The following IL33 variants were observed in gnomAD, a reference collection of about 807,000 sequenced individuals.
IL33 encodes interleukin-33.
In IL33, 37 loss-of-function variants were observed where a neutral mutation model predicts 27.3. That is an observed-to-expected ratio of 1.36 (90% confidence interval 1.04 to 1.78). The LOEUF is 1.78. Among genes scored for constraint, IL33 ranks in the 40% most tolerant of loss-of-function variants. IL33 has a pLI of 0.00. For missense variants in IL33, 406 were observed against 311.4 expected (o/e 1.30, Z -2.29); for synonymous variants, 132 against 102.9 (o/e 1.28, Z -1.71).
rs1816341331 is a variant in IL33 at position 6,251,279 on chromosome 9, C to T, written c.343+14C>T. The T allele has an allele frequency of 2.5e-6, 4 of 1,612,072 alleles. No homozygotes were observed. In the African/African-American group the frequency reaches 4.0e-5, roughly 16 times the overall value. ...CAAGTATCACAGGTATGACTGGTTA[C>T]AGGGGTGATGTGGGAGTGAGGAGGG... On this transcript the variant is annotated intron_variant, in intron 4 of 7. Coordinates refer to ENST00000682010, the MANE Select transcript of IL33 (RefSeq NM_033439.4).
Position 6,250,579 on chromosome 9 carries a change from A to G in IL33, c.197A>G (p.Lys66Arg), listed in dbSNP as rs1340940380. ...EACYFRRETT[K>R]RPSLKTGRKH... is the part of the protein sequence containing the mutation. Reference sequence around the variant, plus strand: ...TGTTACTTTAGGAGAGAAACCACCAAAAGGCCTTCACTGAAAACAGGTAAG... The same window carrying G: ...TGTTACTTTAGGAGAGAAACCACCAGAAGGCCTTCACTGAAAACAGGTAAG... The change falls in exon 3 of 8, where the codon AAA (lysine) becomes AGA (arginine). Residue 66 changes from lysine (K) to arginine (R), a missense_variant. Lys to Arg is a conservative substitution (Grantham distance 26). Transcript: ENST00000682010. 6.2e-7 allele frequency: 1 copy of G among 1,613,846 alleles called. No homozygotes were observed. Among genetic ancestry groups the G allele is most frequent in the South Asian group, 1.1e-5 (1 of 91,036 alleles).
intron 1 of IL33, among the ~76,000 whole-genome samples, chr9:6,241,165 T>C (rs368296836): frequency 3.7e-4 from 57 of 152,300 alleles, no homozygotes; most frequent in African/African-American, 1.3e-3. Flanking sequence ...CAGAACTGCC[T>C]GAGGCTGCTT....
At chr9:6,218,175 A>G (rs1156821861) in intron 1 of IL33, among the ~76,000 whole-genome samples, 2 of 152,158 alleles carry the variant, frequency 1.3e-5, no homozygotes, top group Non-Finnish European at 2.9e-5. Context: ...CTCATATTTC[A>G]CATTTTCTCC....
At chr9:6,244,710 G>A (rs1819725413) in intron 2 of IL33, among the ~76,000 whole-genome samples, 4 of 152,000 alleles carry the variant, frequency 2.6e-5, no homozygotes, top group African/African-American at 9.7e-5. Flanking sequence ...GATATCTCTG[G>A]GGTATGTGAC....
intron 1 of IL33, among the ~76,000 whole-genome samples, chr9:6,223,183 G>C (rs2130111764): frequency 6.6e-6 from 1 of 151,928 alleles, no homozygotes; most frequent in South Asian, 2.1e-4. Flanking sequence ...CAAAGTCTTG[G>C]CAATTCATTT....
chr9:6,247,741 C>T (rs1284432658), intron 2 of IL33, among the ~76,000 whole-genome samples: 1 of 152,082 alleles, frequency 6.6e-6, no homozygotes, highest in Non-Finnish European at 1.5e-5. Context: ...TTGCACTTTC[C>T]TCTCCAGAAC....
intron 1 of IL33, among the ~76,000 whole-genome samples, chr9:6,227,595 C>CT (rs779191795): frequency 6.6e-6 from 1 of 151,996 alleles, no homozygotes; most frequent in South Asian, 2.1e-4. Flanking sequence ...ATGCAATATT[C>CT]TTTTTTCAGA....
chr9:6,222,592 C>G (rs995216023), intron 1 of IL33, among the ~76,000 whole-genome samples: 3 of 152,150 alleles, frequency 2.0e-5, no homozygotes, highest in Non-Finnish European at 2.9e-5. Flanking sequence ...GAAAAAAAGC[C>G]TGCAAAAGTT....
intron 2 of IL33, among the ~76,000 whole-genome samples, chr9:6,247,598 C>T (rs964942099): frequency 6.6e-6 from 1 of 152,112 alleles, no homozygotes; most frequent in African/African-American, 2.4e-5. Context: ...AAAATTCATA[C>T]TAAGCCATTG....
At chr9:6,229,664 T>G (rs901978895) in intron 1 of IL33, among the ~76,000 whole-genome samples, 4 of 152,184 alleles carry the variant, frequency 2.6e-5, no homozygotes, top group African/African-American at 9.7e-5. Context: ...CCTGCCTTAC[T>G]TAGTTTATAG....
intron 1 of IL33, among the ~76,000 whole-genome samples, chr9:6,233,760 G>C (rs1305238653): frequency 2.0e-5 from 3 of 152,156 alleles, no homozygotes; most frequent in African/African-American, 7.2e-5. Flanking sequence ...CAAGCAACTT[G>C]TCCAAGGTCA....
At chr9:6,245,922 G>A (rs1819812346) in intron 2 of IL33, among the ~76,000 whole-genome samples, 2 of 151,528 alleles carry the variant, frequency 1.3e-5, no homozygotes, top group East Asian at 2.0e-4. Flanking sequence ...AATTGCCTGG[G>A]CATGGTGGCG....
intron 1 of IL33, among the ~76,000 whole-genome samples, chr9:6,224,806 T>C (rs1271341718): frequency 6.6e-6 from 1 of 152,240 alleles, no homozygotes; most frequent in Non-Finnish European, 1.5e-5. Flanking sequence ...GCAAACTGTT[T>C]TCCTTTGTGG....
At chr9:6,217,557 G>C (rs1019437996) in intron 1 of IL33, among the ~76,000 whole-genome samples, 1 of 152,072 alleles carries the variant, frequency 6.6e-6, no homozygotes, top group Admixed American at 6.6e-5. Flanking sequence ...CTCACTGTCA[G>C]TTTCAAATAC....
chr9:6,252,087 ACAAAAAAAC>A (rs1564073374), intron 4 of IL33, among the ~76,000 whole-genome samples: 3,770 of 129,432 alleles, frequency 0.029, 127 homozygotes, highest in African/African-American at 0.068. Flanking sequence ...ACAAAACAAA[ACAAAAAAAC>A]CAACTTTACC....
Position 6,257,442 on chromosome 9 carries a change from T to C in IL33, c.*1274T>C, listed in dbSNP as rs1266573775. ...TTCTGCTTTGTCTGTTGTAGAATTTTAGATAAAGCTATTAATGGCAATATT... is the reference window on the plus strand; with the variant it reads ...TTCTGCTTTGTCTGTTGTAGAATTTCAGATAAAGCTATTAATGGCAATATT... On this transcript the variant is annotated 3_prime_UTR_variant, in exon 8 of 8. Coordinates refer to ENST00000682010, the MANE Select transcript of IL33 (RefSeq NM_033439.4). 1 of 152,656 alleles carries C rather than the reference T, an allele frequency of 6.6e-6. No individual in the cohort carries two copies. Among genetic ancestry groups the C allele is most frequent in the East Asian group, 1.9e-4 (1 of 5,200 alleles). The allele number at this position is 152,656 out of a possible 1,614,324, so 9.5% of individuals were successfully genotyped here.
chr9:6,244,944 C>T (rs961382312), intron 2 of IL33, among the ~76,000 whole-genome samples: 2 of 152,192 alleles, frequency 1.3e-5, no homozygotes, highest in Non-Finnish European at 2.9e-5. Flanking sequence ...ATTGTGGTCA[C>T]CCACAGGGCA....
chr9:6,255,844 A>T, intron 7 of IL33, 124 bp from the exon 8 acceptor site: 2 of 753,626 alleles, frequency 2.7e-6, no homozygotes, highest in Admixed American at 2.3e-5. Context: ...CAACTCACTA[A>T]GCAAGCTTGC....
Position 6,251,225 on chromosome 9 carries a change from C to T in IL33, c.303C>T (p.Val101=). The change falls in exon 4 of 8, where the codon GTC becomes GTT. Residue 101 remains valine (V), a synonymous_variant. Coordinates refer to ENST00000682010, the MANE Select transcript of IL33 (RefSeq NM_033439.4). ...VECFAFGISG[V]QKYTRALHDS... is the part of the protein sequence containing the mutation. ...GCTTTGCCTTTGGTATATCAGGGGT[C>T]CAGAAATATACTAGAGCACTTCATG... 1 of 1,613,824 alleles carries T rather than the reference C, an allele frequency of 6.2e-7. No homozygotes were observed. The highest frequency in any genetic ancestry group is 8.5e-7 in the Non-Finnish European group (1 of 1,179,840).
Sources: allele counts gnomAD v4.1 joint callset (sites outside exome capture counted in the v4.1 genomes callset), GRCh38; gene constraint gnomAD v4.1.1; transcripts MANE v1.5; gene names NCBI Gene and HGNC (gene_info 2026-07-23, HGNC 2026-07-21).